The following FAM186A variants were observed in gnomAD, a reference collection of about 807,000 sequenced individuals.
The protein encoded by FAM186A is family with sequence similarity 186 member A, also known as protein FAM186A.
A neutral mutation model predicts 216.8 loss-of-function variants in FAM186A; 163 were observed. That is an observed-to-expected ratio of 0.75 (90% CI 0.66 to 0.86). FAM186A has a LOEUF of 0.86. Among genes scored for constraint, FAM186A ranks in the 40% least tolerant of loss-of-function variants. The probability of loss-of-function intolerance (pLI) is 0.00; values close to 1 mark genes in which losing one functional copy is unlikely to be tolerated. For synonymous variants in FAM186A, 805 were observed against 1,025.3 expected (o/e 0.79, Z 4.10); for missense variants, 2,184 against 2,746.2 (o/e 0.80, Z 4.58).
In FAM186A at chr12:50,340,774, T is replaced by A. The variant is rs1293373352; in HGVS notation, c.6504-6671A>T. Among the ~76,000 whole-genome samples the A allele has an allele frequency of 2.0e-5, 3 of 149,168 alleles. No individual in the cohort carries two copies. The East Asian group carries it at 5.9e-4, about 30-fold the overall frequency. ...TTTCTTCAATATATATGGAAACAAA[T>A]GTCTAATTATCATCATCTTTTCTAA... On this transcript the variant is annotated intron_variant, in intron 4 of 7. Transcript: ENST00000327337.
chr12:50,377,559 G>A (rs536880770), intron 1 of FAM186A, among the ~76,000 whole-genome samples: 1 of 152,264 alleles, frequency 6.6e-6, no homozygotes, highest in South Asian at 2.1e-4. Context: ...AAGGCCAGGC[G>A]CAGTGGCTCA....
chr12:50,370,103 G>A (rs181626037), intron 1 of FAM186A, among the ~76,000 whole-genome samples: 1,404 of 113,592 alleles, frequency 0.012, 25 homozygotes, highest in African/African-American at 0.043. Flanking sequence ...CAGCCTGGGC[G>A]ACAGAGCGAG....
chr12:50,355,463 A>T lies in FAM186A; in HGVS notation c.1369T>A (p.Ser457Thr). Residue 457 changes from serine to threonine, a missense_variant, in exon 4 of 8, where the codon TCA (serine) becomes ACA (threonine). Physicochemically the swap from Ser to Thr is moderately conservative, Grantham distance 58 (BLOSUM62 1). Transcript: ENST00000327337. ...YQEDETDEYQ[S>T]WKRSHKKATY... ...GCTTTTTTGTGGCTTCTTTTCCATG[A>T]TTGATACTCATCAGTCTCATCTTCC... The T allele has an allele frequency of 6.4e-7, 1 of 1,551,236 alleles. No individual in the cohort carries two copies. Among genetic ancestry groups the T allele is most frequent in the African/African-American group, 1.4e-5 (1 of 73,108 alleles).
chr12:50,371,129 T>G (rs1259190115), intron 1 of FAM186A, among the ~76,000 whole-genome samples: 1 of 152,054 alleles, frequency 6.6e-6, no homozygotes, highest in Non-Finnish European at 1.5e-5. Flanking sequence ...AATTTAATTT[T>G]TTTTTTTGAG....
chr12:50,365,266 G>A (rs1375750563), intron 1 of FAM186A, among the ~76,000 whole-genome samples: 1 of 152,052 alleles, frequency 6.6e-6, no homozygotes, highest in African/African-American at 2.4e-5. Flanking sequence ...GCCTCCATTT[G>A]TGTCTTTCAT....
At chr12:50,340,036 C>T (rs1446629449) in intron 4 of FAM186A, among the ~76,000 whole-genome samples, 1 of 152,042 alleles carries the variant, frequency 6.6e-6, no homozygotes, top group East Asian at 1.9e-4. Flanking sequence ...TAGGGTTTCA[C>T]CATGTTGGTC....
intron 7 of FAM186A, among the ~76,000 whole-genome samples, chr12:50,329,608 T>C (rs1942637270): frequency 6.6e-6 from 1 of 151,958 alleles, no homozygotes; most frequent in East Asian, 1.9e-4. Context: ...ACTTTTTTTT[T>C]TTTTTTTGAG....
At chr12:50,331,945 T>A in intron 5 of FAM186A, 124 bp from the exon 6 acceptor site, 1 of 790,112 alleles carries the variant, frequency 1.3e-6, no homozygotes, top group Non-Finnish European at 1.9e-6. Context: ...GCAAATCCTC[T>A]CCCTACTCCA....
At chr12:50,357,824 A>G (rs1028125276) in intron 3 of FAM186A, among the ~76,000 whole-genome samples, 3 of 152,062 alleles carry the variant, frequency 2.0e-5, no homozygotes, top group African/African-American at 7.2e-5. Context: ...GCCTACAGGG[A>G]TGATTTGACT....
chr12:50,353,524 T>C lies in FAM186A; in HGVS notation c.3308A>G (p.Gln1103Arg), dbSNP rs1942934521. 6.5e-7 allele frequency: 1 copy of C among 1,537,808 alleles called. No homozygotes were observed. The highest frequency in any genetic ancestry group is 1.4e-5 in the African/African-American group (1 of 72,648). ...GAGAGGGATCCCTAGTTCCTGGGCC[T>C]GCTGAAGGGTGAGCGTGATCCCCTG... Reference protein sequence around the residue: ...QAQGITLTLQQAQELGIPLTP... With the variant: ...QAQGITLTLQRAQELGIPLTP... The change falls in exon 4 of 8, where the codon CAG becomes CGG. Residue 1103 changes from glutamine (Q) to arginine (R), a missense_variant. Gln to Arg is a conservative substitution (Grantham distance 43). Transcript: ENST00000327337.
chr12:50,388,904 T>C (rs1256902069), intron 1 of FAM186A, among the ~76,000 whole-genome samples: 1 of 150,808 alleles, frequency 6.6e-6, no homozygotes, highest in African/African-American at 2.4e-5. Flanking sequence ...AATACAAAAA[T>C]TAGCTGGGCG....
chr12:50,387,601 T>C (rs1010594028), intron 1 of FAM186A, among the ~76,000 whole-genome samples: 1 of 152,188 alleles, frequency 6.6e-6, no homozygotes, highest in African/African-American at 2.4e-5. Context: ...GGCTCACAGA[T>C]TGGTTCAATC....
At chr12:50,388,121 C>T (rs562230397) in intron 1 of FAM186A, among the ~76,000 whole-genome samples, 5 of 152,192 alleles carry the variant, frequency 3.3e-5, no homozygotes, top group South Asian at 4.1e-4. Context: ...TGACCTTCAG[C>T]GGCTTTCCCC....
intron 1 of FAM186A, among the ~76,000 whole-genome samples, chr12:50,373,025 AAGAAAG>A (rs1242621416): frequency 6.8e-6 from 1 of 147,162 alleles, no homozygotes; most frequent in Admixed American, 6.9e-5. Flanking sequence ...GAAAGAAAGA[AAGAAAG>A]AAAGAAAGAA....
At chr12:50,387,507 T>C (rs1214112441) in intron 1 of FAM186A, among the ~76,000 whole-genome samples, 1 of 152,136 alleles carries the variant, frequency 6.6e-6, no homozygotes, top group Admixed American at 6.6e-5. Context: ...GAGAGGGAGA[T>C]CTTCCCAGAG....
At position 50,361,046 on chromosome 12, in the gene FAM186A, CACTT is replaced by C. The variant is rs941538474; in HGVS notation, c.413-124_413-121del. 97 of 637,958 alleles carry C rather than the reference CACTT, an allele frequency of 1.5e-4. 1 individual carries two copies. In the Middle Eastern group the frequency reaches 2.9e-3, roughly 19 times the overall value. The allele number at this position is 637,958 out of a possible 1,614,324, so 39.5% of individuals were successfully genotyped here. A position where few individuals can be genotyped will look rare whatever the true frequency, so the allele number is the denominator to read the frequency against. Reference sequence around the variant, plus strand: ...AATATTGGGGAATATAGGTATCTCACACTTACTGCCATTCTGAGGCTTTTCTCTA... The same window carrying C: ...AATATTGGGGAATATAGGTATCTCACACTGCCATTCTGAGGCTTTTCTCTA... On this transcript the variant is annotated intron_variant, in intron 2 of 7. Coordinates refer to ENST00000327337, the MANE Select transcript of FAM186A (RefSeq NM_001145475.3).
intron 1 of FAM186A, among the ~76,000 whole-genome samples, chr12:50,369,531 C>T (rs1261405544): frequency 1.3e-5 from 2 of 149,372 alleles, no homozygotes; most frequent in Non-Finnish European, 3.0e-5. Context: ...TGGACTATAT[C>T]AAAGTTAAAA....
chr12:50,360,198 C>A (rs944812888), intron 3 of FAM186A, among the ~76,000 whole-genome samples: 1 of 148,110 alleles, frequency 6.8e-6, no homozygotes, highest in African/African-American at 2.5e-5. Flanking sequence ...GAACTGAGAT[C>A]TGGCCACTGC....
chr12:50,328,369 G>A (rs1057404918), intron 7 of FAM186A, among the ~76,000 whole-genome samples: 1 of 151,766 alleles, frequency 6.6e-6, no homozygotes, highest in Non-Finnish European at 1.5e-5. Flanking sequence ...GCACGACCAC[G>A]TCTCTAAAAA....
Sources: allele counts gnomAD v4.1 joint callset (sites outside exome capture counted in the v4.1 genomes callset), GRCh38; gene constraint gnomAD v4.1.1; transcripts MANE v1.5; gene names NCBI Gene and HGNC (gene_info 2026-07-23, HGNC 2026-07-21).